Variants in LHFPL3 observed in about 807,000 individuals in gnomAD.
The protein encoded by LHFPL3 is LHFPL tetraspan subfamily member 3 protein.
Under a neutral mutation model 19.3 loss-of-function variants are expected in LHFPL3, and 5 were observed. The observed-to-expected ratio is 0.26, with a 90% CI of 0.14 to 0.54. The LOEUF (loss-of-function observed/expected upper bound fraction) is 0.54. LHFPL3 is among the 20% of genes least tolerant of loss of function. The pLI is 0.94. For synonymous variants in LHFPL3, 133 were observed against 126.2 expected, an observed-to-expected ratio of 1.05 and a Z score of -0.36; for missense variants, 249 against 307.4, an observed-to-expected ratio of 0.81 and a Z score of 1.42.
At chr7:104,528,730 A>ACT (rs1794236914) in intron 1 of LHFPL3, among the ~76,000 whole-genome samples, 2 of 152,326 alleles carry the variant, frequency 1.3e-5, no homozygotes, top group African/African-American at 4.8e-5. Flanking sequence ...AAGTCAGTTA[A>ACT]GACTTCCATA....
At chr7:104,516,220 G>T (rs1003737127) in intron 1 of LHFPL3, among the ~76,000 whole-genome samples, 3 of 152,096 alleles carry the variant, frequency 2.0e-5, no homozygotes, top group Non-Finnish European at 4.4e-5. Flanking sequence ...GCGAAGCGGG[G>T]TGGGGAAAGT....
intron 1 of LHFPL3, among the ~76,000 whole-genome samples, chr7:104,624,987 CCTT>C (rs1791516558): frequency 1.3e-5 from 2 of 152,232 alleles, no homozygotes; most frequent in Admixed American, 1.3e-4. Flanking sequence ...TTTTTCACCT[CCTT>C]AAAGACTATA....
intron 1 of LHFPL3, among the ~76,000 whole-genome samples, chr7:104,463,848 A>G (rs962699663): frequency 1.3e-5 from 2 of 152,152 alleles, no homozygotes; most frequent in East Asian, 1.9e-4. Flanking sequence ...CAGCCAAACC[A>G]TATTGTCCGT....
intron 1 of LHFPL3, among the ~76,000 whole-genome samples, chr7:104,696,824 C>G (rs572406797): frequency 1.3e-5 from 2 of 152,182 alleles, no homozygotes; most frequent in East Asian, 3.9e-4. Context: ...AAAATAAATG[C>G]AAAACGTTGT....
chr7:104,659,318 C>T (rs975301584), intron 1 of LHFPL3, among the ~76,000 whole-genome samples: 3 of 152,184 alleles, frequency 2.0e-5, no homozygotes, highest in Non-Finnish European at 4.4e-5. Flanking sequence ...CATCTCATAC[C>T]CAGCATCTCT....
intron 2 of LHFPL3, among the ~76,000 whole-genome samples, chr7:104,885,244 C>A (rs1792126323): frequency 6.6e-6 from 1 of 152,224 alleles, no homozygotes; most frequent in Non-Finnish European, 1.5e-5. Context: ...CAAACCATTT[C>A]TCCTCCCTCC....
intron 1 of LHFPL3, among the ~76,000 whole-genome samples, chr7:104,581,854 T>TA (rs1372798866): frequency 6.6e-6 from 1 of 152,016 alleles, no homozygotes; most frequent in Non-Finnish European, 1.5e-5. Flanking sequence ...TGTCTATTCT[T>TA]ACGCCATTAC....
chr7:104,454,386 C>G (rs900986505), intron 1 of LHFPL3, among the ~76,000 whole-genome samples: 1 of 152,096 alleles, frequency 6.6e-6, no homozygotes, highest in Non-Finnish European at 1.5e-5. Context: ...TGGTCCTTAC[C>G]TTATGAGAAA....
At chr7:104,482,551 G>C (rs1215454037) in intron 1 of LHFPL3, among the ~76,000 whole-genome samples, 1 of 152,098 alleles carries the variant, frequency 6.6e-6, no homozygotes, top group African/African-American at 2.4e-5. Context: ...TGTTTATACT[G>C]TCTGTGATTT....
At chr7:104,884,458 G>C (rs1461999258) in intron 2 of LHFPL3, among the ~76,000 whole-genome samples, 1 of 152,148 alleles carries the variant, frequency 6.6e-6, no homozygotes, top group Non-Finnish European at 1.5e-5. Flanking sequence ...TACCAAGTTG[G>C]AATATCTGGG....
intron 1 of LHFPL3, among the ~76,000 whole-genome samples, chr7:104,430,336 A>G (rs62485091): frequency 0.17 from 20,444 of 122,210 alleles, 2,357 homozygotes; most frequent in Admixed American, 0.27. Flanking sequence ...AGGAACTCAG[A>G]TTAGTGTTTC....
At chr7:104,420,257 C>T (rs534382740) in intron 1 of LHFPL3, among the ~76,000 whole-genome samples, 4 of 152,330 alleles carry the variant, frequency 2.6e-5, no homozygotes, top group South Asian at 4.1e-4. Flanking sequence ...AGTGGAGACC[C>T]GCCTACTGGC....
chr7:104,744,801 C>G (rs375345677), intron 2 of LHFPL3, among the ~76,000 whole-genome samples: 1 of 152,186 alleles, frequency 6.6e-6, no homozygotes, highest in Non-Finnish European at 1.5e-5. Flanking sequence ...CGGTCACTGA[C>G]CTTGCCTAAT....
chr7:104,646,433 G>A (rs1251494027), intron 1 of LHFPL3, among the ~76,000 whole-genome samples: 1 of 152,170 alleles, frequency 6.6e-6, no homozygotes, highest in African/African-American at 2.4e-5. Flanking sequence ...GCACAATGAG[G>A]AATTATGATT....
intron 2 of LHFPL3, among the ~76,000 whole-genome samples, chr7:104,769,705 C>T (rs547273824): frequency 2.6e-5 from 4 of 151,464 alleles, no homozygotes; most frequent in African/African-American, 4.9e-5. Context: ...TGAGAACATG[C>T]GGTGTTTGGT....
chr7:104,407,218 G>T (rs535590448), intron 1 of LHFPL3, among the ~76,000 whole-genome samples: 2 of 152,178 alleles, frequency 1.3e-5, no homozygotes, highest in Admixed American at 1.3e-4. Context: ...GGTTGGTGAA[G>T]GATTGTAAAA....
At chr7:104,395,736 C>T (rs1195155172) in intron 1 of LHFPL3, among the ~76,000 whole-genome samples, 1 of 152,092 alleles carries the variant, frequency 6.6e-6, no homozygotes, top group African/African-American at 2.4e-5. Context: ...AATAAATTTC[C>T]TCAGCCTAGA....
intron 1 of LHFPL3, among the ~76,000 whole-genome samples, chr7:104,563,082 C>A (rs988243400): frequency 6.6e-6 from 1 of 152,036 alleles, no homozygotes; most frequent in African/African-American, 2.4e-5. Context: ...CTGCTCTCTT[C>A]AAAGCTGTCA....
intron 1 of LHFPL3, among the ~76,000 whole-genome samples, chr7:104,494,282 A>G (rs1398860660): frequency 6.6e-6 from 1 of 152,222 alleles, no homozygotes; most frequent in Non-Finnish European, 1.5e-5. Context: ...TCAACATTTC[A>G]TGCCCTGAGC....
Sources: allele counts gnomAD v4.1 joint callset (sites outside exome capture counted in the v4.1 genomes callset), GRCh38; gene constraint gnomAD v4.1.1; transcripts MANE v1.5; gene names NCBI Gene and HGNC (gene_info 2026-07-23, HGNC 2026-07-21).